GPN1: variants seen among roughly 807,000 people sequenced by gnomAD.
GPN1 encodes the protein GPN-loop GTPase 1, also known as ATP(GTP)-binding protein.
In GPN1, 44 loss-of-function variants were observed where a neutral mutation model predicts 55.9. The observed-to-expected ratio is 0.79, with a 90% CI of 0.62 to 1.01. The LOEUF is 1.01. GPN1 is among the 50% of genes least tolerant of loss of function. The pLI, the probability that GPN1 is intolerant of heterozygous loss-of-function variation, is 0.00. For missense variants in GPN1, 466 were observed against 462.8 expected (o/e 1.01, Z -0.06); for synonymous variants, 179 against 162.5 (o/e 1.10, Z -0.77).
intron 13 of GPN1, 36 bp from the exon 14 acceptor site, chr2:27,650,077 GAA>G (rs1558494562): frequency 9.0e-7 from 1 of 1,113,154 alleles, no homozygotes; most frequent in East Asian, 2.3e-5. Flanking sequence ...TTTGTCTAAT[GAA>G]AGAGTTGAAA....
chr2:27,646,128 G>A (rs1210288706), intron 12 of GPN1, among the ~76,000 whole-genome samples: 2 of 152,256 alleles, frequency 1.3e-5, no homozygotes, highest in East Asian at 1.9e-4. Flanking sequence ...TGCAACCTCC[G>A]CCTCCCGGGT....
intron 8 of GPN1, among the ~76,000 whole-genome samples, chr2:27,638,539 G>C (rs1673818842): frequency 6.6e-6 from 1 of 152,208 alleles, no homozygotes; most frequent in Admixed American, 6.5e-5. Flanking sequence ...GGGACAACTA[G>C]TCTACTGGAA....
chr2:27,636,101 C>G (rs766221646), intron 7 of GPN1, among the ~76,000 whole-genome samples: 1 of 151,520 alleles, frequency 6.6e-6, no homozygotes, highest in African/African-American at 2.4e-5. Flanking sequence ...CTGTAATCCC[C>G]GCTACCTGGG....
rs1437641046 is a variant in GPN1 at position 27,647,937 on chromosome 2, C to T, written c.1033C>T (p.His345Tyr). Residue 345 changes from histidine to tyrosine, a missense_variant, in exon 13 of 14, where the codon CAC becomes TAC. By Grantham distance (83) the His-to-Tyr change is moderately conservative. Transcript: ENST00000610189. ...EADSDTDDID[H>Y]RVTEESHEEP... ...AGACAGCGATACTGATGACATTGAC[C>T]ACAGAGGTGAGAGGTGGCTGAGGTG... 6 of 1,596,020 alleles carry T rather than the reference C, an allele frequency of 3.8e-6. No homozygotes were observed. The African/African-American group carries it at 8.0e-5, about 21-fold the overall frequency.
At position 27,631,186 on chromosome 2, in the gene GPN1, C is replaced by T; in HGVS notation, c.245+120C>T. Reference sequence around the variant, plus strand: ...AAATATACAAGCAAAAGGATGGAAGCTGATTGTGGGAGAGGTAGGTGATCA... The same window carrying T: ...AAATATACAAGCAAAAGGATGGAAGTTGATTGTGGGAGAGGTAGGTGATCA... On this transcript the variant is annotated intron_variant, in intron 3 of 13. Transcript: ENST00000610189. 6 of 668,206 alleles carry T rather than the reference C, an allele frequency of 9.0e-6. 1 individual carries two copies. The South Asian group carries it at 9.9e-5, about 11-fold the overall frequency. The allele number at this position is 668,206 out of a possible 1,614,324, so 41.4% of individuals were successfully genotyped here. A position where few individuals can be genotyped will look rare whatever the true frequency, so the allele number is the denominator to read the frequency against.
intron 9 of GPN1, among the ~76,000 whole-genome samples, chr2:27,639,320 C>T (rs979574605): frequency 1.3e-4 from 19 of 151,914 alleles, no homozygotes; most frequent in African/African-American, 2.9e-4. Context: ...GATTGTGAGG[C>T]GGCAGATCAA....
chr2:27,632,523 T>C, intron 4 of GPN1, 110 bp from the exon 5 acceptor site: 1 of 764,070 alleles, frequency 1.3e-6, no homozygotes, highest in South Asian at 1.4e-5. Flanking sequence ...CAGTAGGTGA[T>C]TGAGGGATTC....
intron 7 of GPN1, among the ~76,000 whole-genome samples, chr2:27,637,332 A>G (rs1673769309): frequency 6.6e-6 from 1 of 151,134 alleles, no homozygotes; most frequent in African/African-American, 2.4e-5. Context: ...GAGTAGTCTA[A>G]GAGTAGGGGT....
chr2:27,647,095 C>A (rs1266071090), intron 12 of GPN1, among the ~76,000 whole-genome samples: 2 of 152,184 alleles, frequency 1.3e-5, no homozygotes, highest in Admixed American at 6.5e-5. Flanking sequence ...GTCAGCATGT[C>A]CTGTCATCCT....
At chr2:27,636,405 C>T (rs746942987) in intron 7 of GPN1, among the ~76,000 whole-genome samples, 3 of 152,158 alleles carry the variant, frequency 2.0e-5, no homozygotes, top group Non-Finnish European at 2.9e-5. Flanking sequence ...AGGGATGTCC[C>T]TTTTTGGTGG....
At chr2:27,634,069 C>A (rs1326100639) in intron 5 of GPN1, among the ~76,000 whole-genome samples, 2 of 151,922 alleles carry the variant, frequency 1.3e-5, no homozygotes, top group African/African-American at 4.8e-5. Context: ...TTTTGTTATT[C>A]TTCTTGTTTT....
chr2:27,630,442 G>T (rs1673499971), intron 2 of GPN1, among the ~76,000 whole-genome samples: 1 of 134,428 alleles, frequency 7.4e-6, no homozygotes, highest in South Asian at 2.4e-4. Flanking sequence ...AGGCCAGAGT[G>T]CAGTGGCGTG....
chr2:27,633,569 G>A (rs184963666), intron 5 of GPN1, among the ~76,000 whole-genome samples: 5 of 152,186 alleles, frequency 3.3e-5, no homozygotes, highest in Admixed American at 1.3e-4. Flanking sequence ...TTTGCATCCC[G>A]GGTTCAAGCG....
chr2:27,633,551 CT>C (rs1673628200), intron 5 of GPN1, among the ~76,000 whole-genome samples: 1 of 152,200 alleles, frequency 6.6e-6, no homozygotes, highest in African/African-American at 2.4e-5. Context: ...TCTTGGCTCA[CT>C]GCAATCTTTG....
At position 27,638,994 on chromosome 2, in the gene GPN1, T is replaced by A. The variant is rs781549099; in HGVS notation, c.680T>A (p.Met227Lys). The A allele has an allele frequency of 4.3e-6, 7 of 1,613,206 alleles. No homozygotes were observed. The highest frequency in any genetic ancestry group is 5.1e-6 in the Non-Finnish European group (6 of 1,179,412). The stretch of plus-strand genomic sequence containing the variant: ...TACGTCAGTAACCTGACTCGTTCAA[T>A]GAGCCTGGTGTTAGATGAGTTTTAC... ...TTYVSNLTRS[M>K]SLVLDEFYSS... The change falls in exon 9 of 14, where the codon ATG becomes AAG. Residue 227 changes from methionine (M) to lysine (K), a missense_variant. Physicochemically the swap from Met to Lys is moderately conservative, Grantham distance 95 (BLOSUM62 -1). Coordinates refer to ENST00000610189, the MANE Select transcript of GPN1 (RefSeq NM_007266.4).
intron 4 of GPN1, among the ~76,000 whole-genome samples, chr2:27,632,283 A>G (rs1434112790): frequency 6.6e-6 from 1 of 152,204 alleles, no homozygotes; most frequent in Non-Finnish European, 1.5e-5. Flanking sequence ...TTTGTCACCT[A>G]CTTCCATAAG....
At chr2:27,635,058 C>A in intron 6 of GPN1, 82 bp from the exon 7 acceptor site, 1 of 1,032,392 alleles carries the variant, frequency 9.7e-7, no homozygotes, top group South Asian at 1.3e-5. Flanking sequence ...AGTGGTTTTC[C>A]CTTGTTAAGG....
chr2:27,638,857 G>A lies in GPN1; in HGVS notation c.571-28G>A, dbSNP rs188781228. On this transcript the variant is annotated intron_variant, in intron 8 of 13. Coordinates refer to ENST00000610189, the MANE Select transcript of GPN1 (RefSeq NM_007266.4). ...AATTTTGCGTTTGTTGGCTCTGGTT[G>A]CTCATAATTGACTTCTCTCTGGTAC... The A allele has an allele frequency of 9.5e-6, 15 of 1,575,720 alleles. No individual in the cohort carries two copies. In the East Asian group the frequency reaches 3.2e-4, roughly 33 times the overall value.
At position 27,643,396 on chromosome 2, in the gene GPN1, A is replaced by G. The variant is rs1415389718; in HGVS notation, c.931+877A>G. ...TGAATCATTTGAGTAAGTTACAGAT[A>G]TAATACTCTTTTACCTTGAATAATT... is the stretch of plus-strand genomic sequence containing the variant. On this transcript the variant is annotated intron_variant, in intron 12 of 13. Transcript: ENST00000610189. This position sits in a 1 kb window ranked among gnomAD's most constrained non-coding sequence, Gnocchi z 4.0. Among the ~76,000 whole-genome samples the G allele has an allele frequency of 1.3e-5, 2 of 152,082 alleles. No individual in the cohort carries two copies. Among genetic ancestry groups the G allele is most frequent in the Non-Finnish European group, 2.9e-5 (2 of 68,004 alleles).
Sources: allele counts gnomAD v4.1 joint callset (sites outside exome capture counted in the v4.1 genomes callset), GRCh38; gene constraint gnomAD v4.1.1; non-coding constraint Gnocchi (gnomAD v3.1); transcripts MANE v1.5; gene names NCBI Gene and HGNC (gene_info 2026-07-23, HGNC 2026-07-21).